PCDH15: variants seen among roughly 807,000 people sequenced by gnomAD.
PCDH15 encodes protocadherin related 15.
PCDH15 carries 129 observed loss-of-function variants against 178.5 expected under a neutral mutation model. That is an observed-to-expected ratio of 0.72 (90% CI 0.63 to 0.84). The LOEUF is 0.84. PCDH15 is among the 40% of genes least tolerant of loss of function. The probability of loss-of-function intolerance (pLI) is 0.00; values close to 1 mark genes in which losing one functional copy is unlikely to be tolerated. For missense variants in PCDH15, 2,230 were observed against 2,099.9 expected (o/e 1.06, Z -1.21); for synonymous variants, 800 against 732.0 (o/e 1.09, Z -1.50).
intron 2 of PCDH15, among the ~76,000 whole-genome samples, chr10:55,357,136 C>T (rs924859490): frequency 2.6e-5 from 4 of 151,520 alleles, no homozygotes; most frequent in Non-Finnish European, 5.9e-5. Context: ...GGCAGTTTAA[C>T]CAGAAAAAGA....
intron 1 of PCDH15, among the ~76,000 whole-genome samples, chr10:55,258,142 T>G (rs1842050830): frequency 6.6e-6 from 1 of 152,168 alleles, no homozygotes. Flanking sequence ...GGATTTAATC[T>G]TATCATTGGA....
intron 3 of PCDH15, among the ~76,000 whole-genome samples, chr10:54,399,123 C>T (rs1020261441): frequency 1.3e-5 from 2 of 151,870 alleles, no homozygotes; most frequent in Non-Finnish European, 2.9e-5. Flanking sequence ...TTTTAGAAAC[C>T]ATTTTGAATA....
intron 2 of PCDH15, among the ~76,000 whole-genome samples, chr10:55,001,067 C>G (rs1008477277): frequency 6.6e-6 from 1 of 152,020 alleles, no homozygotes; most frequent in Non-Finnish European, 1.5e-5. Context: ...GCAACTTCTC[C>G]TCTCCTCTCT....
chr10:54,043,456 C>A (rs1367185813), intron 18 of PCDH15, among the ~76,000 whole-genome samples: 2 of 151,960 alleles, frequency 1.3e-5, no homozygotes, highest in Admixed American at 6.6e-5. Context: ...TGCAGTGGCA[C>A]AACCACAGCT....
At chr10:54,429,302 T>C (rs12774645) in intron 3 of PCDH15, among the ~76,000 whole-genome samples, 57,713 of 151,878 alleles carry the variant, frequency 0.38, 12,448 homozygotes, top group Middle Eastern at 0.5. Flanking sequence ...TTTGCAAGCA[T>C]TGTGGTAACC....
chr10:54,033,765 T>C (rs1300953056), intron 18 of PCDH15, among the ~76,000 whole-genome samples: 1 of 152,030 alleles, frequency 6.6e-6, no homozygotes, highest in Non-Finnish European at 1.5e-5. Context: ...GTTTTCTGAA[T>C]AACTATTTTA....
At chr10:54,219,752 A>T (rs1015159686) in intron 9 of PCDH15, among the ~76,000 whole-genome samples, 9 of 151,996 alleles carry the variant, frequency 5.9e-5, no homozygotes, top group Non-Finnish European at 1.2e-4. Context: ...ATTTGTGAGA[A>T]AGTGAAAATA....
At chr10:55,188,699 T>C (rs985391445) in intron 1 of PCDH15, among the ~76,000 whole-genome samples, 3 of 151,920 alleles carry the variant, frequency 2.0e-5, no homozygotes, top group Non-Finnish European at 4.4e-5. Context: ...AAAATAAAGT[T>C]ATGGTCCTTT....
intron 2 of PCDH15, among the ~76,000 whole-genome samples, chr10:55,544,244 A>C (rs2132079813): frequency 6.7e-6 from 1 of 149,030 alleles, no homozygotes; most frequent in Non-Finnish European, 1.5e-5. Context: ...ATAGATAGAA[A>C]TTATGAAATT....
intron 25 of PCDH15, among the ~76,000 whole-genome samples, chr10:53,934,307 C>T (rs186742450): frequency 2.9e-4 from 44 of 152,236 alleles, no homozygotes; most frequent in African/African-American, 1.0e-3. Context: ...GTGATGGCAG[C>T]ATCACCTCAC....
chr10:54,682,717 C>A (rs2094921648), intron 1 of PCDH15, among the ~76,000 whole-genome samples: 1 of 152,088 alleles, frequency 6.6e-6, no homozygotes, highest in South Asian at 2.1e-4. Context: ...CTCTCACATT[C>A]TTAAAAACTA....
intron 2 of PCDH15, among the ~76,000 whole-genome samples, chr10:55,010,507 G>C (rs561225990): frequency 1.3e-5 from 2 of 152,260 alleles, no homozygotes; most frequent in Admixed American, 1.3e-4. Context: ...GGCTTGCAGT[G>C]AATAGGTCGC....
intron 1 of PCDH15, among the ~76,000 whole-genome samples, chr10:55,306,807 T>C (rs903199374): frequency 6.6e-6 from 1 of 152,196 alleles, no homozygotes; most frequent in Non-Finnish European, 1.5e-5. Context: ...TTTGCATTCA[T>C]ATTCCCATTC....
intron 18 of PCDH15, among the ~76,000 whole-genome samples, chr10:54,049,146 T>C (rs910770782): frequency 6.6e-6 from 1 of 152,218 alleles, no homozygotes; most frequent in Non-Finnish European, 1.5e-5. Flanking sequence ...TAAATGTAAT[T>C]GCACACTTGA....
rs1843114484 is a variant in PCDH15 at position 55,295,661 on chromosome 10, T to G, written c.-156+23938A>C. Among the ~76,000 whole-genome samples the G allele has an allele frequency of 3.3e-5, 5 of 152,344 alleles. No individual in the cohort carries two copies. In the South Asian group the frequency reaches 1.0e-3, roughly 32 times the overall value. On this transcript the variant is annotated intron_variant, in intron 1 of 5. Transcript: ENST00000458638. ...GCATGCTTTCACTCCTTCTTTTAACTTATCTCCATAGAATATTATTTGAGG... is the reference window on the plus strand; with the variant it reads ...GCATGCTTTCACTCCTTCTTTTAACGTATCTCCATAGAATATTATTTGAGG...
At chr10:54,233,388 T>C (rs975532726) in intron 9 of PCDH15, among the ~76,000 whole-genome samples, 1 of 152,224 alleles carries the variant, frequency 6.6e-6, no homozygotes, top group African/African-American at 2.4e-5. Context: ...TTTTATTTCT[T>C]CCATGAGTCA....
At chr10:55,576,826 G>C (rs10825547) in intron 2 of PCDH15, among the ~76,000 whole-genome samples, 51,947 of 152,010 alleles carry the variant, frequency 0.34, 9,144 homozygotes, top group East Asian at 0.49. Flanking sequence ...TAAAACATGA[G>C]TTATTTGCAT....
intron 25 of PCDH15, among the ~76,000 whole-genome samples, chr10:53,929,013 G>A (rs2084812030): frequency 6.6e-6 from 1 of 151,824 alleles, no homozygotes; most frequent in African/African-American, 2.4e-5. Flanking sequence ...TTTTAATTTT[G>A]CTTGCCCATG....
intron 2 of PCDH15, among the ~76,000 whole-genome samples, chr10:55,626,185 A>ATAAC (rs1442905615): frequency 4.6e-5 from 7 of 152,014 alleles, no homozygotes; most frequent in Admixed American, 4.6e-4. Context: ...AAATAAATAA[A>ATAAC]ATAAAAAAGC....
Sources: allele counts gnomAD v4.1 joint callset (sites outside exome capture counted in the v4.1 genomes callset), GRCh38; gene constraint gnomAD v4.1.1; transcripts MANE v1.5; gene names NCBI Gene and HGNC (gene_info 2026-07-23, HGNC 2026-07-21).